CSMD3: variants seen among roughly 807,000 people sequenced by gnomAD.
The protein encoded by CSMD3 is CUB and Sushi multiple domains 3, also known as CUB and sushi domain-containing protein 3.
In CSMD3, 177 loss-of-function variants were observed where a neutral mutation model predicts 435.2. The ratio of observed to expected loss-of-function variants is 0.41; its 90% CI spans 0.36 to 0.46. The LOEUF (loss-of-function observed/expected upper bound fraction) is 0.46, where lower values mean the gene tolerates loss of function less well. Among genes scored for constraint, CSMD3 ranks in the 20% least tolerant of loss-of-function variants. CSMD3 has a pLI of 0.34. For missense variants in CSMD3, 4,265 were observed against 4,504.6 expected, an observed-to-expected ratio of 0.95 and a Z score of 1.52; for synonymous variants, 1,656 against 1,520.5, an observed-to-expected ratio of 1.09 and a Z score of -2.07.
rs202094420 is a variant in CSMD3, at chr8:112,241,707, T to C, written c.10468+13A>G. 1.3e-3 allele frequency: 2,009 copies of C among 1,594,094 alleles called. 5 individuals are homozygous for C. The highest frequency in any genetic ancestry group is 1.5e-3 in the Non-Finnish European group (1,769 of 1,161,946). ...AAATAATGAACTCTAGAAAAACAAA[T>C]GACATTACTAACCACTTAGCTTTGG... On this transcript the variant is annotated intron_variant, in intron 66 of 70. Coordinates refer to ENST00000297405, the MANE Select transcript of CSMD3 (RefSeq NM_198123.2).
chr8:113,076,063 A>T (rs1268184837), intron 5 of CSMD3, among the ~76,000 whole-genome samples: 1 of 151,764 alleles, frequency 6.6e-6, no homozygotes, highest in Non-Finnish European at 1.5e-5. Context: ...GAATTTAAGG[A>T]AAACAAGACA....
At chr8:113,236,344 T>G (rs1470486626) in intron 3 of CSMD3, among the ~76,000 whole-genome samples, 1 of 152,178 alleles carries the variant, frequency 6.6e-6, no homozygotes, top group Admixed American at 6.6e-5. Context: ...AGTGTACTTT[T>G]GCTTTGCAGT....
intron 22 of CSMD3, among the ~76,000 whole-genome samples, chr8:112,610,804 C>G (rs1381347792): frequency 1.3e-5 from 2 of 152,128 alleles, no homozygotes; most frequent in Non-Finnish European, 2.9e-5. Context: ...TCTCTAGAGG[C>G]TGAATGGAGT....
At chr8:112,961,625 A>G (rs933965757) in intron 7 of CSMD3, among the ~76,000 whole-genome samples, 1 of 151,946 alleles carries the variant, frequency 6.6e-6, no homozygotes, top group Non-Finnish European at 1.5e-5. Flanking sequence ...TATGGAGAGG[A>G]GACACTGTGT....
At chr8:112,642,485 C>T (rs1167262884) in intron 20 of CSMD3, among the ~76,000 whole-genome samples, 1 of 152,100 alleles carries the variant, frequency 6.6e-6, no homozygotes, top group African/African-American at 2.4e-5. Flanking sequence ...GAAGAGATTA[C>T]AGATGGTACA....
In CSMD3 at chr8:112,685,636, A is replaced by C. The variant is rs2075994277; in HGVS notation, c.2252T>G (p.Ile751Arg). ...YGNNLNCIWT[I>R]ISDPGSRIHL... is the part of the protein sequence containing the mutation. ...TATCCGGCTCCCTGGATCAGAGATT[A>C]TCGTCCAGATGCAATTTAAATTATT... The change falls in exon 15 of 71, where the codon ATA becomes AGA. Residue 751 changes from isoleucine (I) to arginine (R), a missense_variant. Ile to Arg is a moderately conservative substitution (Grantham distance 97). Coordinates refer to ENST00000297405, the MANE Select transcript of CSMD3 (RefSeq NM_198123.2). The C allele has an allele frequency of 6.2e-7, 1 of 1,613,490 alleles. No homozygotes were observed. The highest frequency in any genetic ancestry group is 1.3e-5 in the African/African-American group (1 of 74,908).
intron 27 of CSMD3, among the ~76,000 whole-genome samples, chr8:112,518,010 A>G (rs989145318): frequency 6.6e-6 from 1 of 152,198 alleles, no homozygotes. Context: ...ACTAGGAACA[A>G]CCCAAATGTC....
chr8:113,107,270 T>C (rs2090507647), intron 4 of CSMD3, among the ~76,000 whole-genome samples: 1 of 152,216 alleles, frequency 6.6e-6, no homozygotes, highest in Admixed American at 6.5e-5. Context: ...CAAACGGCAT[T>C]ACACAATATG....
rs556996477 is a variant in CSMD3 at position 113,418,044 on chromosome 8, A to G, written c.178+18633T>C. Reference sequence around the variant, plus strand: ...ATCCATCTAATTTAAAACAGCCAACATTTATTAAGTTTCTACCCCTAGAAT... The same window carrying G: ...ATCCATCTAATTTAAAACAGCCAACGTTTATTAAGTTTCTACCCCTAGAAT... On this transcript the variant is annotated intron_variant, in intron 1 of 70. Transcript: ENST00000297405. Among the ~76,000 whole-genome samples the G allele has an allele frequency of 3.9e-5, 6 of 152,226 alleles. No individual in the cohort carries two copies. The East Asian group carries it at 1.2e-3, about 29-fold the overall frequency.
At chr8:112,888,588 T>G (rs2081681555) in intron 10 of CSMD3, among the ~76,000 whole-genome samples, 2 of 151,664 alleles carry the variant, frequency 1.3e-5, no homozygotes, top group Admixed American at 6.6e-5. Flanking sequence ...TTTAGTTTGA[T>G]TCTACAGAAA....
chr8:112,446,115 CAT>C (rs1161570622), intron 32 of CSMD3, among the ~76,000 whole-genome samples: 1 of 152,142 alleles, frequency 6.6e-6, no homozygotes, highest in Non-Finnish European at 1.5e-5. Context: ...CATGATAACA[CAT>C]AGCTAAGAAG....
At chr8:112,891,828 C>T (rs1947633) in intron 10 of CSMD3, among the ~76,000 whole-genome samples, 120,819 of 151,402 alleles carry the variant, frequency 0.8, 49,006 homozygotes, top group East Asian at 0.93. Context: ...ATTAAATCTC[C>T]ATATATCTGA....
chr8:113,082,061 T>C (rs2089587403), intron 5 of CSMD3, among the ~76,000 whole-genome samples: 1 of 152,078 alleles, frequency 6.6e-6, no homozygotes, highest in East Asian at 1.9e-4. Flanking sequence ...CCACTCACCA[T>C]CCCAAGGACT....
intron 12 of CSMD3, among the ~76,000 whole-genome samples, chr8:112,804,667 TTTA>T (rs869137328): frequency 1.4e-5 from 2 of 147,794 alleles, no homozygotes; most frequent in East Asian, 2.0e-4. Context: ...TTTATTTTAT[TTTA>T]TTTTATTTTT....
intron 5 of CSMD3, among the ~76,000 whole-genome samples, chr8:113,056,069 G>C (rs1237544707): frequency 6.6e-6 from 1 of 152,136 alleles, no homozygotes; most frequent in Non-Finnish European, 1.5e-5. Flanking sequence ...AGATGATTAA[G>C]AGGAAAAATA....
At chr8:112,342,117 C>T (rs1825178285) in intron 41 of CSMD3, among the ~76,000 whole-genome samples, 1 of 152,076 alleles carries the variant, frequency 6.6e-6, no homozygotes, top group African/African-American at 2.4e-5. Flanking sequence ...ATAGATTCCA[C>T]AATTGCATTA....
rs77719329 is a variant in CSMD3 at position 112,664,893 on chromosome 8, T to C, written c.2816+1384A>G. 9.3e-3 allele frequency among the ~76,000 whole-genome samples: 1,414 copies of C among 152,244 alleles called. 19 individuals are homozygous for C. The highest frequency in any genetic ancestry group is 0.032 in the African/African-American group (1,338 of 41,564). On this transcript the variant is annotated intron_variant, in intron 17 of 70. Transcript: ENST00000297405. ...TGAGAAAATTAGTTTTTGTTTTTTA[T>C]CTCATGCAGTCTGTGACACTTGGTT...
At chr8:112,607,581 A>C (rs1371540985) in intron 22 of CSMD3, among the ~76,000 whole-genome samples, 1 of 152,126 alleles carries the variant, frequency 6.6e-6, no homozygotes, top group African/African-American at 2.4e-5. Flanking sequence ...AAATCCTAAA[A>C]AAATTTTAAC....
intron 20 of CSMD3, among the ~76,000 whole-genome samples, chr8:112,640,501 A>T (rs934499681): frequency 2.0e-5 from 3 of 152,132 alleles, no homozygotes; most frequent in African/African-American, 4.8e-5. Flanking sequence ...CAAGGTTATC[A>T]CTGCATAATG....
Sources: gnomAD v4.1 joint callset for allele counts (sites outside exome capture counted in the v4.1 genomes callset) on GRCh38, gnomAD v4.1.1 for gene constraint, MANE v1.5 for transcripts, NCBI Gene and HGNC (gene_info 2026-07-23, HGNC 2026-07-21) for gene names.